ZNF92: variants seen among roughly 807,000 people sequenced by gnomAD.
ZNF92 encodes zinc finger protein 92.
Under a neutral mutation model 12.4 loss-of-function variants are expected in ZNF92, and 11 were observed. The observed-to-expected ratio is 0.89, with a 90% confidence interval of 0.56 to 1.47. ZNF92 has a LOEUF of 1.47. Among genes scored for constraint, ZNF92 ranks in the 40% most tolerant of loss-of-function variants. The probability of loss-of-function intolerance (pLI) is 0.00; values close to 1 mark genes in which losing one functional copy is unlikely to be tolerated. For synonymous variants in ZNF92, 206 were observed against 228.6 expected (o/e 0.90, Z 0.89); for missense variants, 622 against 681.0 (o/e 0.91, Z 0.96).
intron 3 of ZNF92, among the ~76,000 whole-genome samples, chr7:65,395,666 T>A (rs957653264): frequency 2.4e-4 from 37 of 152,232 alleles, no homozygotes; most frequent in Middle Eastern, 3.4e-3. Context: ...GCTAGTTTAT[T>A]AAAAGAGTAG....
Position 65,373,896 on chromosome 7 carries a change from C to A in ZNF92, c.-102C>A. ...GGCGCTCCACGTCTAGTCTTCACTG[C>A]TCTGCGTCCTGTGCTGATAAAGGCT... On this transcript the variant is annotated 5_prime_UTR_variant, in exon 1 of 4. Transcript: ENST00000328747. 1 of 1,531,034 alleles carries A rather than the reference C, an allele frequency of 6.5e-7. No individual in the cohort carries two copies. Among genetic ancestry groups the A allele is most frequent in the Non-Finnish European group, 9.1e-7 (1 of 1,104,900 alleles). 94.8% of individuals were successfully genotyped at this position (1,531,034 alleles called of 1,614,324 possible). A position where few individuals can be genotyped will look rare whatever the true frequency, so the allele number is the denominator to read the frequency against.
Position 65,400,766 on chromosome 7 carries a change from T to C in ZNF92, c.*891T>C, listed in dbSNP as rs1219587394. The C allele has an allele frequency of 1.3e-5, 2 of 152,054 alleles. No homozygotes were observed. The highest frequency in any genetic ancestry group is 2.9e-5 in the Non-Finnish European group (2 of 67,914). 9.4% of individuals were successfully genotyped at this position (152,054 alleles called of 1,614,324 possible). On this transcript the variant is annotated 3_prime_UTR_variant, in exon 4 of 4. Transcript: ENST00000328747. ...ATGTAATTTAACTCTCAAATTCATG[T>C]TTTTCTTCATTCCTATTATATTCAC... is the stretch of plus-strand genomic sequence containing the variant.
Position 65,399,470 on chromosome 7 carries a change from C to G in ZNF92, c.1356C>G (p.Pro452=). The change falls in exon 4 of 4, where the codon CCC becomes CCG. Residue 452 remains proline, a synonymous_variant. Coordinates refer to ENST00000328747, the MANE Select transcript of ZNF92 (RefSeq NM_152626.4). ...AGAGAAATCATATGGAAGATAAACC[C>G]TACAAATGTGAAGAATGTGGCAAAG... ...KHKRNHMEDK[P]YKCEECGKAF... 6.8e-6 allele frequency: 11 copies of G among 1,612,906 alleles called. No individual in the cohort carries two copies. Among genetic ancestry groups the G allele is most frequent in the Non-Finnish European group, 9.3e-6 (11 of 1,179,622 alleles).
At chr7:65,393,263 C>T (rs1793765107) in intron 3 of ZNF92, among the ~76,000 whole-genome samples, 1 of 152,114 alleles carries the variant, frequency 6.6e-6, no homozygotes, top group Non-Finnish European at 1.5e-5. Context: ...TGGGATCACA[C>T]AGTATCCATC....
In ZNF92 at chr7:65,375,675, C is replaced by T. The variant is rs192856434; in HGVS notation, c.3+1675C>T. On this transcript the variant is annotated intron_variant, in intron 1 of 3. Transcript: ENST00000328747. ...CCATCCTGGCCAATATGGTGAAAGCCGGTTTCTACTAAAATACAAAAAATT... is the reference window on the plus strand; with the variant it reads ...CCATCCTGGCCAATATGGTGAAAGCTGGTTTCTACTAAAATACAAAAAATT... Among the ~76,000 whole-genome samples, 88 of 151,732 alleles carry T rather than the reference C, an allele frequency of 5.8e-4. 1 individual carries two copies. Among genetic ancestry groups the T allele is most frequent in the African/African-American group, 2.0e-3 (84 of 41,424 alleles).
chr7:65,378,005 A>C (rs1215051174), intron 1 of ZNF92, among the ~76,000 whole-genome samples: 2 of 152,182 alleles, frequency 1.3e-5, no homozygotes, highest in Non-Finnish European at 2.9e-5. Context: ...GCTTTCTTTC[A>C]TAGGAGCAAA....
In ZNF92 at chr7:65,398,978, A is replaced by G. The variant is rs1198696739; in HGVS notation, c.864A>G (p.Glu288=). 1.9e-6 allele frequency: 3 copies of G among 1,613,518 alleles called. No homozygotes were observed. Among genetic ancestry groups the G allele is most frequent in the Non-Finnish European group, 2.5e-6 (3 of 1,179,800 alleles). ...IHTEEKPYKC[E]ECGKAFNQFS... is the part of the protein sequence containing the mutation. Reference sequence around the variant, plus strand: ...CAGAAGAGAAACCCTACAAATGTGAAGAATGTGGCAAGGCCTTTAACCAGT... The same window carrying G: ...CAGAAGAGAAACCCTACAAATGTGAGGAATGTGGCAAGGCCTTTAACCAGT... Residue 288 remains glutamate (E), a synonymous_variant, in exon 4 of 4, where the codon GAA becomes GAG. Transcript: ENST00000328747.
At chr7:65,384,307 G>A (rs765241943) in intron 1 of ZNF92, among the ~76,000 whole-genome samples, 3 of 151,986 alleles carry the variant, frequency 2.0e-5, no homozygotes, top group Non-Finnish European at 4.4e-5. Flanking sequence ...ATAGAGAGCA[G>A]AATTCTACAT....
At chr7:65,380,383 A>G (rs937172805) in intron 1 of ZNF92, among the ~76,000 whole-genome samples, 4 of 151,770 alleles carry the variant, frequency 2.6e-5, no homozygotes, top group Non-Finnish European at 1.5e-5. Context: ...CCTCCTACCT[A>G]AGCCCCCCAA....
At chr7:65,384,148 G>A (rs1176220960) in intron 1 of ZNF92, among the ~76,000 whole-genome samples, 3 of 151,790 alleles carry the variant, frequency 2.0e-5, no homozygotes, top group East Asian at 1.9e-4. Context: ...ATGCTAGAAA[G>A]CCCTAAGAGA....
rs759907089 is a variant in ZNF92 at position 65,398,397 on chromosome 7, T to G, written c.283T>G (p.Phe95Val). Residue 95 changes from phenylalanine (F) to valine (V), a missense_variant, in exon 4 of 4, where the codon TTC becomes GTC. Coordinates refer to ENST00000328747, the MANE Select transcript of ZNF92 (RefSeq NM_152626.4). ...GCCAGAGCACAGCATAAAAGATTCTTTCCAAAAAGTGATACTGAGAACATA... is the reference window on the plus strand; with the variant it reads ...GCCAGAGCACAGCATAAAAGATTCTGTCCAAAAAGTGATACTGAGAACATA... ...VWPEHSIKDS[F>V]QKVILRTYGK... The G allele has an allele frequency of 3.1e-6, 5 of 1,605,972 alleles. No individual in the cohort carries two copies. In the South Asian group the frequency reaches 5.6e-5, roughly 18 times the overall value.
intron 3 of ZNF92, among the ~76,000 whole-genome samples, chr7:65,389,528 G>C (rs1793657163): frequency 6.6e-6 from 1 of 151,726 alleles, no homozygotes; most frequent in South Asian, 2.1e-4. Context: ...TTTTCTTTTT[G>C]TTTTTTTGAG....
intron 3 of ZNF92, among the ~76,000 whole-genome samples, chr7:65,396,547 G>C (rs1473065644): frequency 1.3e-5 from 2 of 152,076 alleles, no homozygotes; most frequent in East Asian, 3.9e-4. Context: ...TTAAGGGTTT[G>C]ATGCTCCATC....
chr7:65,374,104 G>A (rs1008071173), intron 1 of ZNF92, 104 bp downstream of exon 1: 3 of 1,511,472 alleles, frequency 2.0e-6, no homozygotes. Context: ...TCGGCTCCGA[G>A]ATCCGCGGCC....
Position 65,399,897 on chromosome 7 carries a change from C to G in ZNF92, c.*22C>G, listed in dbSNP as rs372236594. The G allele has an allele frequency of 6.5e-7, 1 of 1,532,522 alleles. No individual in the cohort carries two copies. The highest frequency in any genetic ancestry group is 8.8e-7 in the Non-Finnish European group (1 of 1,142,312). The allele number at this position is 1,532,522 out of a possible 1,614,324, so 94.9% of individuals were successfully genotyped here. On this transcript the variant is annotated 3_prime_UTR_variant, in exon 4 of 4. Coordinates refer to ENST00000328747, the MANE Select transcript of ZNF92 (RefSeq NM_152626.4). ...CTGAAAGATGTGACAATGATTTTCACTACACCTCAAACTTTTCTAAACATA... is the reference window on the plus strand; with the variant it reads ...CTGAAAGATGTGACAATGATTTTCAGTACACCTCAAACTTTTCTAAACATA...
Position 65,373,949 on chromosome 7 carries a change from A to C in ZNF92, c.-49A>C, listed in dbSNP as rs773250542. 2 of 1,613,568 alleles carry C rather than the reference A, an allele frequency of 1.2e-6. No individual in the cohort carries two copies. The highest frequency in any genetic ancestry group is 1.7e-6 in the Non-Finnish European group (2 of 1,179,738). On this transcript the variant is annotated 5_prime_UTR_variant, in exon 1 of 4. Coordinates refer to ENST00000328747, the MANE Select transcript of ZNF92 (RefSeq NM_152626.4). Reference sequence around the variant, plus strand: ...CCGCTGTGACCCTGTTACCTGCAAGAACTTGGAGGTTCACAGCTAAGACGC... The same window carrying C: ...CCGCTGTGACCCTGTTACCTGCAAGCACTTGGAGGTTCACAGCTAAGACGC...
chr7:65,381,276 G>T (rs1444580132), intron 1 of ZNF92, among the ~76,000 whole-genome samples: 2 of 151,978 alleles, frequency 1.3e-5, no homozygotes, highest in Non-Finnish European at 2.9e-5. Flanking sequence ...GCCTCCCAGA[G>T]TGCTAGGATT....
chr7:65,377,595 T>A (rs573677632), intron 1 of ZNF92, among the ~76,000 whole-genome samples: 1 of 151,992 alleles, frequency 6.6e-6, no homozygotes, highest in Non-Finnish European at 1.5e-5. Context: ...CAGGCTGGAG[T>A]GCACTGGCGC....
At chr7:65,374,074 G>A in intron 1 of ZNF92, 74 bp downstream of exon 1, 1 of 1,599,676 alleles carries the variant, frequency 6.3e-7, no homozygotes, top group East Asian at 2.2e-5. Flanking sequence ...GGCTGTGGCG[G>A]GCCTCGGGCC....
Sources: allele counts gnomAD v4.1 joint callset (sites outside exome capture counted in the v4.1 genomes callset), GRCh38; gene constraint gnomAD v4.1.1; transcripts MANE v1.5; gene names NCBI Gene and HGNC (gene_info 2026-07-23, HGNC 2026-07-21).